Variants in PPHLN1 observed in about 807,000 individuals in gnomAD.
PPHLN1 encodes the protein periphilin 1.
A neutral mutation model predicts 51.3 loss-of-function variants in PPHLN1; 29 were observed. That is an observed-to-expected ratio of 0.57 (90% CI 0.42 to 0.77). PPHLN1 has a LOEUF of 0.77. Ranked by LOEUF, PPHLN1 falls within the 30% of genes least tolerant of loss-of-function variation. The probability of loss-of-function intolerance (pLI) is 0.00; values close to 1 mark genes in which losing one functional copy is unlikely to be tolerated. For missense variants in PPHLN1, 436 were observed against 438.4 expected, an observed-to-expected ratio of 0.99 and a Z score of 0.05; for synonymous variants, 147 against 147.8, an observed-to-expected ratio of 0.99 and a Z score of 0.04.
intron 4 of PPHLN1, among the ~76,000 whole-genome samples, chr12:42,372,397 C>T (rs2075886019): frequency 6.6e-6 from 1 of 152,200 alleles, no homozygotes; most frequent in Non-Finnish European, 1.5e-5. Context: ...GATTAGGAAA[C>T]TGTAGTTCAG....
intron 3 of PPHLN1, among the ~76,000 whole-genome samples, chr12:42,353,180 A>G (rs2138246539): frequency 6.6e-6 from 1 of 152,204 alleles, no homozygotes; most frequent in East Asian, 1.9e-4. Context: ...TTAATGATGC[A>G]GTAATCTGTA....
At chr12:42,349,412 A>AT (rs949518243) in intron 2 of PPHLN1, among the ~76,000 whole-genome samples, 2 of 97,928 alleles carry the variant, frequency 2.0e-5, no homozygotes, top group East Asian at 6.8e-4. Context: ...TGTTTTTTAA[A>AT]TTTTTTTAGT....
At chr12:42,371,214 G>A (rs1290430425) in intron 4 of PPHLN1, among the ~76,000 whole-genome samples, 2 of 147,102 alleles carry the variant, frequency 1.4e-5, no homozygotes, top group East Asian at 4.1e-4. Flanking sequence ...TCTCCTGTGG[G>A]GCTCAAGTGA....
chr12:42,327,877 C>T (rs992329698), intron 1 of PPHLN1, among the ~76,000 whole-genome samples: 6 of 152,206 alleles, frequency 3.9e-5, no homozygotes, highest in African/African-American at 1.4e-4. Flanking sequence ...GGGTCACCTG[C>T]CACTCAGCTA....
chr12:42,340,275 G>A (rs999974895), intron 2 of PPHLN1, among the ~76,000 whole-genome samples: 4 of 145,854 alleles, frequency 2.7e-5, no homozygotes, highest in South Asian at 4.4e-4. Context: ...GTGCCACTGC[G>A]TTGAAGCCTG....
intron 4 of PPHLN1, among the ~76,000 whole-genome samples, chr12:42,355,968 A>G (rs2138320393): frequency 6.6e-6 from 1 of 150,926 alleles, no homozygotes; most frequent in Non-Finnish European, 1.5e-5. Flanking sequence ...CCTTTTGGGA[A>G]ACACATTTTG....
At chr12:42,446,841 C>T (rs191370730), downstream of PPHLN1, 118 of 463,380 alleles carry the variant, frequency 2.5e-4, no homozygotes, top group African/African-American at 1.9e-3. Flanking sequence ...AGGCTGAGGG[C>T]GAACAGTAGG....
intron 4 of PPHLN1, among the ~76,000 whole-genome samples, chr12:42,363,916 T>TA (rs1188126020): frequency 2.0e-5 from 3 of 152,152 alleles, no homozygotes; most frequent in Non-Finnish European, 4.4e-5. Flanking sequence ...CCCCTGTAGT[T>TA]ATGAGATCTT....
intron 4 of PPHLN1, chr12:42,359,590 T>A (rs2074402408): frequency 6.6e-6 from 1 of 152,238 alleles, no homozygotes; most frequent in African/African-American, 2.4e-5. Flanking sequence ...AGCTGTTCTC[T>A]GTATCAGGTG....
At position 42,326,534 on chromosome 12, in the gene PPHLN1, C is replaced by A. The variant is rs145189220; in HGVS notation, c.-21+305C>A. ...TCGGTAATTTTACTGAAGGTGTTCA[C>A]GGTACCCAGCTATTAGGCACTTTGG... On this transcript the variant is annotated intron_variant, in intron 1 of 9. Coordinates refer to ENST00000358314, the MANE Select transcript of PPHLN1 (RefSeq NM_201439.2). Among the ~76,000 whole-genome samples, 257 of 152,236 alleles carry A rather than the reference C, an allele frequency of 1.7e-3. 3 individuals are homozygous for A. The highest frequency in any genetic ancestry group is 5.8e-3 in the African/African-American group (239 of 41,544).
At chr12:42,420,704 C>CCT (rs200397432) in intron 9 of PPHLN1, among the ~76,000 whole-genome samples, 32,083 of 109,688 alleles carry the variant, frequency 0.29, 5,657 homozygotes, top group South Asian at 0.39. Flanking sequence ...CCCCTCCCTC[C>CCT]CTCTCTCTCT....
chr12:42,335,408 T>C (rs1466214308), intron 1 of PPHLN1, among the ~76,000 whole-genome samples: 1 of 152,134 alleles, frequency 6.6e-6, no homozygotes. Context: ...AACACATTAT[T>C]TAACATAGAG....
At chr12:42,414,664 CT>C (rs2080208014) in intron 9 of PPHLN1, among the ~76,000 whole-genome samples, 1 of 152,252 alleles carries the variant, frequency 6.6e-6, no homozygotes, top group East Asian at 1.9e-4. Flanking sequence ...TTTCTCAAAT[CT>C]GGGAGTCTTT....
intron 9 of PPHLN1, chr12:42,431,744 A>T: frequency 1.9e-6 from 2 of 1,033,346 alleles, no homozygotes; most frequent in Non-Finnish European, 3.1e-6. Flanking sequence ...CTCCTGGAGT[A>T]TGCTGTAGCT....
At chr12:42,426,621 A>G (rs1256177158) in intron 9 of PPHLN1, among the ~76,000 whole-genome samples, 1 of 152,248 alleles carries the variant, frequency 6.6e-6, no homozygotes, top group Admixed American at 6.5e-5. Context: ...CTAATTTGCC[A>G]GGAATTTTTA....
intron 5 of PPHLN1, among the ~76,000 whole-genome samples, chr12:42,381,415 A>G (rs917120376): frequency 1.3e-5 from 2 of 152,178 alleles, no homozygotes; most frequent in Non-Finnish European, 2.9e-5. Flanking sequence ...TTTTCCTTAT[A>G]TGTTTAAAAA....
intron 9 of PPHLN1, among the ~76,000 whole-genome samples, chr12:42,426,688 C>A (rs1421693272): frequency 6.6e-6 from 1 of 152,176 alleles, no homozygotes; most frequent in Non-Finnish European, 1.5e-5. Flanking sequence ...TAACCCACAG[C>A]CATCCTTAGA....
chr12:42,363,028 C>G (rs1205678579), intron 4 of PPHLN1, among the ~76,000 whole-genome samples: 2 of 152,172 alleles, frequency 1.3e-5, no homozygotes, highest in African/African-American at 4.8e-5. Flanking sequence ...CCACATTTAT[C>G]TAGGCTTATA....
chr12:42,366,391 C>G (rs549316680), intron 4 of PPHLN1, among the ~76,000 whole-genome samples: 1 of 152,038 alleles, frequency 6.6e-6, no homozygotes, highest in South Asian at 2.1e-4. Flanking sequence ...CCATGCCTGG[C>G]TAATTTTTGT....
Sources: allele counts gnomAD v4.1 joint callset (sites outside exome capture counted in the v4.1 genomes callset), GRCh38; gene constraint gnomAD v4.1.1; transcripts MANE v1.5; gene names NCBI Gene and HGNC (gene_info 2026-07-23, HGNC 2026-07-21).